Variants in IPO11 observed in about 807,000 individuals in gnomAD.
IPO11 encodes the protein importin 11, also known as importin-11.
A neutral mutation model predicts 143.2 loss-of-function variants in IPO11; 66 were observed. That is an observed-to-expected ratio of 0.46 (90% confidence interval 0.38 to 0.57). The LOEUF is 0.57. Among genes scored for constraint, IPO11 ranks in the 20% least tolerant of loss-of-function variants. The pLI, the probability that IPO11 is intolerant of heterozygous loss-of-function variation, is 0.00. For missense variants in IPO11, 1,026 were observed against 1,141.0 expected (o/e 0.90, Z 1.45); for synonymous variants, 385 against 377.8 (o/e 1.02, Z -0.22).
intron 27 of IPO11, among the ~76,000 whole-genome samples, chr5:62,586,752 CAAAA>C (rs763383085): frequency 9.4e-4 from 57 of 60,480 alleles, no homozygotes; most frequent in African/African-American, 4.0e-3. Flanking sequence ...ACTCAGTCTC[CAAAA>C]AAAAAAAAAA....
intron 2 of IPO11, among the ~76,000 whole-genome samples, chr5:62,441,851 CTT>C (rs35792043): frequency 2.8e-5 from 4 of 143,200 alleles, no homozygotes; most frequent in East Asian, 4.1e-4. Context: ...TGCTATCAAA[CTT>C]TTTTTTTTTT....
At chr5:62,463,634 G>A (rs574255409) in intron 5 of IPO11, among the ~76,000 whole-genome samples, 9 of 150,566 alleles carry the variant, frequency 6.0e-5, no homozygotes, top group East Asian at 4.0e-4. Context: ...TTGCGCCACT[G>A]CACTCTAGCC....
At chr5:62,512,204 G>A (rs1228691546) in intron 19 of IPO11, 3 of 1,361,794 alleles carry the variant, frequency 2.2e-6, no homozygotes, top group Non-Finnish European at 3.1e-6. Context: ...AGTAAGGACA[G>A]CTGTGTAAAG....
At chr5:62,548,597 T>C (rs1743289952) in intron 24 of IPO11, among the ~76,000 whole-genome samples, 1 of 152,180 alleles carries the variant, frequency 6.6e-6, no homozygotes, top group South Asian at 2.1e-4. Context: ...GTTGAAAATA[T>C]CTAGCACTCT....
At chr5:62,443,205 A>G (rs571757012) in intron 3 of IPO11, 122 bp downstream of exon 3, 9 of 561,260 alleles carry the variant, frequency 1.6e-5, no homozygotes, top group African/African-American at 1.2e-4. Flanking sequence ...ATATACTAAA[A>G]TTGGAGCAAT....
chr5:62,430,329 C>T (rs562801823), intron 1 of IPO11, among the ~76,000 whole-genome samples: 1 of 152,296 alleles, frequency 6.6e-6, no homozygotes, highest in East Asian at 1.9e-4. Flanking sequence ...ACTGATGCCT[C>T]ATTATCTTCT....
Position 62,506,339 on chromosome 5 carries a change from C to A in IPO11, c.1764C>A (p.Ile588=). 1.3e-6 allele frequency: 2 copies of A among 1,595,986 alleles called. No individual in the cohort carries two copies. Among genetic ancestry groups the A allele is most frequent in the South Asian group, 1.1e-5 (1 of 89,698 alleles). ...TTTTGCATGTCCTTTCTTGTGTGAT[C>A]GAAAGAGTCAACATGCAGGTAATTA... ...MHVLHVLSCV[I]ERVNMQIRPY... The change falls in exon 19 of 30, where the codon ATC becomes ATA. Residue 588 remains isoleucine (I), a synonymous_variant. Transcript: ENST00000325324.
At chr5:62,558,667 C>T (rs936149530) in intron 26 of IPO11, among the ~76,000 whole-genome samples, 3 of 152,070 alleles carry the variant, frequency 2.0e-5, no homozygotes, top group African/African-American at 4.8e-5. Flanking sequence ...AAATAAAAAA[C>T]GCAGTTTTTA....
chr5:62,416,181 TC>T (rs1409556648), intron 1 of IPO11, among the ~76,000 whole-genome samples: 1 of 137,368 alleles, frequency 7.3e-6, no homozygotes, highest in African/African-American at 2.6e-5. Flanking sequence ...TTTTTTCTTT[TC>T]TTTTTTTTTT....
intron 1 of IPO11, among the ~76,000 whole-genome samples, chr5:62,419,491 A>T (rs1315698454): frequency 6.6e-6 from 1 of 152,220 alleles, no homozygotes; most frequent in African/African-American, 2.4e-5. Context: ...TAACTCAGGT[A>T]CACACAAGGT....
chr5:62,465,246 G>T (rs974691601), intron 5 of IPO11, among the ~76,000 whole-genome samples: 41 of 152,070 alleles, frequency 2.7e-4, no homozygotes, highest in African/African-American at 8.5e-4. Context: ...GTATGTGTTG[G>T]GAAAGCTTAG....
chr5:62,477,898 A>G (rs1239919697), intron 9 of IPO11, among the ~76,000 whole-genome samples: 5 of 152,196 alleles, frequency 3.3e-5, no homozygotes, highest in Non-Finnish European at 7.3e-5. Context: ...CATATTTATG[A>G]TCTCTAAGAC....
At chr5:62,604,334 G>T (rs898445556) in intron 29 of IPO11, among the ~76,000 whole-genome samples, 3 of 151,880 alleles carry the variant, frequency 2.0e-5, no homozygotes, top group African/African-American at 7.3e-5. Flanking sequence ...TCAGCCTCCC[G>T]AGTAGCTGGG....
chr5:62,490,837 C>T (rs1454308935), intron 15 of IPO11, among the ~76,000 whole-genome samples: 2 of 152,094 alleles, frequency 1.3e-5, no homozygotes, highest in Non-Finnish European at 2.9e-5. Flanking sequence ...CTCACTGCAA[C>T]CTCCACCTCC....
At chr5:62,489,207 A>G (rs1037740240) in intron 13 of IPO11, 95 bp from the exon 14 acceptor site, 3 of 630,118 alleles carry the variant, frequency 4.8e-6, no homozygotes, top group East Asian at 3.1e-5. Flanking sequence ...ACTTAATTGA[A>G]TTGGGAAACT....
chr5:62,511,372 T>C (rs1741742451), intron 19 of IPO11, among the ~76,000 whole-genome samples: 1 of 152,198 alleles, frequency 6.6e-6, no homozygotes, highest in Non-Finnish European at 1.5e-5. Flanking sequence ...CTAACTGGAG[T>C]GATCTTTGAG....
rs1745306253 is a variant in IPO11 at position 62,598,379 on chromosome 5, GCTT to G, written c.2679-3384_2679-3382del. 1.4e-4 allele frequency among the ~76,000 whole-genome samples: 7 copies of G among 48,574 alleles called. 3 individuals are homozygous for G. In the East Asian group the frequency reaches 2.2e-3, roughly 15 times the overall value. The allele number at this position is 48,574 out of a possible 152,430, so 31.9% of individuals were successfully genotyped here. The stretch of plus-strand genomic sequence containing the variant: ...ATGTGAAACGACCCATAAATTGTTT[GCTT>G]GCTTGCTTGCTTTCTTTCTTTCTTT... On this transcript the variant is annotated intron_variant, in intron 28 of 29. Transcript: ENST00000325324.
chr5:62,502,646 T>C (rs893010382), intron 16 of IPO11, among the ~76,000 whole-genome samples: 6 of 152,170 alleles, frequency 3.9e-5, no homozygotes, highest in Non-Finnish European at 7.3e-5. Flanking sequence ...AAGGAAAACA[T>C]TGTTTTATTC....
chr5:62,501,404 A>G (rs1741344717), intron 16 of IPO11, among the ~76,000 whole-genome samples: 1 of 152,226 alleles, frequency 6.6e-6, no homozygotes, highest in Non-Finnish European at 1.5e-5. Context: ...TATTAGACCT[A>G]TCTAAAACCA....
Sources: gnomAD v4.1 joint callset for allele counts (sites outside exome capture counted in the v4.1 genomes callset) on GRCh38, gnomAD v4.1.1 for gene constraint, MANE v1.5 for transcripts, NCBI Gene and HGNC (gene_info 2026-07-23, HGNC 2026-07-21) for gene names.